STK32B: variants seen among roughly 807,000 people sequenced by gnomAD.
STK32B encodes serine/threonine kinase 32B, also known as serine/threonine-protein kinase 32B.
Under a neutral mutation model 52.6 loss-of-function variants are expected in STK32B, and 43 were observed. The observed-to-expected ratio is 0.82, with a 90% CI of 0.64 to 1.05. The LOEUF is 1.05. Ranked by LOEUF, STK32B falls within the 50% of genes least tolerant of loss-of-function variation. STK32B has a pLI of 0.00. For missense variants in STK32B, 621 were observed against 534.6 expected (o/e 1.16, Z -1.59); for synonymous variants, 238 against 204.3 (o/e 1.17, Z -1.41).
intron 1 of STK32B, among the ~76,000 whole-genome samples, chr4:5,132,251 T>TTA (rs1229901473): frequency 6.6e-6 from 1 of 152,186 alleles, no homozygotes; most frequent in East Asian, 1.9e-4. Flanking sequence ...GCATATGTCT[T>TTA]TATAGTATGA....
At chr4:5,492,811 T>G (rs1261261139) in intron 11 of STK32B, among the ~76,000 whole-genome samples, 1 of 151,326 alleles carries the variant, frequency 6.6e-6, no homozygotes, top group East Asian at 1.9e-4. Context: ...GTCAAAGGCC[T>G]TTTCTGCATC....
At chr4:5,407,428 T>C (rs575762658) in intron 5 of STK32B, among the ~76,000 whole-genome samples, 3 of 152,276 alleles carry the variant, frequency 2.0e-5, no homozygotes, top group African/African-American at 7.2e-5. Context: ...CAGGAGTCTT[T>C]ATAGCAGTGT....
intron 3 of STK32B, among the ~76,000 whole-genome samples, chr4:5,180,376 C>T (rs1228100342): frequency 6.6e-6 from 1 of 152,200 alleles, no homozygotes; most frequent in Non-Finnish European, 1.5e-5. Flanking sequence ...ATTTCCTACC[C>T]TTATCCTACC....
chr4:5,444,629 C>G (rs68125911), intron 6 of STK32B, among the ~76,000 whole-genome samples: 3 of 152,104 alleles, frequency 2.0e-5, no homozygotes, highest in African/African-American at 4.8e-5. Context: ...CTCCTCCCCC[C>G]GCCTTGGGCA....
chr4:5,336,559 T>C (rs1235544891), intron 4 of STK32B, among the ~76,000 whole-genome samples: 2 of 144,420 alleles, frequency 1.4e-5, no homozygotes, highest in Non-Finnish European at 2.9e-5. Context: ...GAAATAGCAT[T>C]TTTTTTAAAT....
In STK32B at chr4:5,122,642, CATTT is replaced by C. The variant is rs543461399; in HGVS notation, c.53-17261_53-17258del. Among the ~76,000 whole-genome samples the C allele has an allele frequency of 2.9e-3, 446 of 152,328 alleles. 2 individuals carry two copies. The highest frequency in any genetic ancestry group is 0.01 in the African/African-American group (430 of 41,574). ...TCCCTGACTCATTCACTCACTCACT[CATTT>C]ACTCATTCATTCATTCACTCATTCA... On this transcript the variant is annotated intron_variant, in intron 1 of 11. Transcript: ENST00000282908.
At chr4:5,359,783 C>T (rs1049671174) in intron 4 of STK32B, among the ~76,000 whole-genome samples, 1 of 152,160 alleles carries the variant, frequency 6.6e-6, no homozygotes, top group African/African-American at 2.4e-5. Context: ...GCCTCAGGAA[C>T]AGCGAGCAGA....
At chr4:5,358,832 A>C (rs1287020327) in intron 4 of STK32B, among the ~76,000 whole-genome samples, 1 of 152,172 alleles carries the variant, frequency 6.6e-6, no homozygotes, top group Non-Finnish European at 1.5e-5. Context: ...AAAAGGTATG[A>C]ATAATAACAG....
intron 11 of STK32B, among the ~76,000 whole-genome samples, chr4:5,476,914 T>G (rs1251430161): frequency 6.6e-6 from 1 of 151,646 alleles, no homozygotes; most frequent in African/African-American, 2.4e-5. Flanking sequence ...GCCACCAGAT[T>G]GGTGGCTACC....
Position 5,317,224 on chromosome 4 carries a change from T to A in STK32B, c.261-13996T>A, listed in dbSNP as rs867411241. 2.2e-3 allele frequency among the ~76,000 whole-genome samples: 84 copies of A among 38,630 alleles called. 8 individuals carry two copies. The highest frequency in any genetic ancestry group is 0.015 in the African/African-American group (43 of 2,908). The allele number at this position is 38,630 out of a possible 152,430, so 25.3% of individuals were successfully genotyped here. Reference sequence around the variant, plus strand: ...ATATTATATATATAACATATATATATTATATATAACATATATATATTATAT... The same window carrying A: ...ATATTATATATATAACATATATATAATATATATAACATATATATATTATAT... On this transcript the variant is annotated intron_variant, in intron 3 of 11. Coordinates refer to ENST00000282908, the MANE Select transcript of STK32B (RefSeq NM_018401.3).
At chr4:5,164,548 G>T (rs1483286773) in intron 2 of STK32B, among the ~76,000 whole-genome samples, 1 of 152,204 alleles carries the variant, frequency 6.6e-6, no homozygotes, top group Non-Finnish European at 1.5e-5. Flanking sequence ...AAAGAACAAA[G>T]ATTTATTTCT....
rs1736851751 is a variant in STK32B at position 5,395,824 on chromosome 4, G to A, written c.435-2383G>A. Among the ~76,000 whole-genome samples the A allele has an allele frequency of 6.6e-6, 1 of 152,248 alleles. No individual in the cohort carries two copies. Among genetic ancestry groups the A allele is most frequent in the African/African-American group, 2.4e-5 (1 of 41,476 alleles). ...CTGGAGTTGGAACACAGACTGTCTA[G>A]ATCATGGGCTGAATTCTCCCAAACA... On this transcript the variant is annotated intron_variant, in intron 4 of 11. Coordinates refer to ENST00000282908, the MANE Select transcript of STK32B (RefSeq NM_018401.3). The surrounding 1 kb of genome is among the most constrained non-coding windows in gnomAD (Gnocchi z 4.4).
intron 4 of STK32B, among the ~76,000 whole-genome samples, chr4:5,366,206 C>T (rs1010101599): frequency 2.0e-4 from 30 of 152,114 alleles, no homozygotes; most frequent in Non-Finnish European, 2.9e-5. Context: ...GTTGGCATCC[C>T]TAAAAATGGG....
intron 1 of STK32B, among the ~76,000 whole-genome samples, chr4:5,134,643 T>C (rs1251938591): frequency 1.3e-5 from 2 of 152,256 alleles, no homozygotes; most frequent in Non-Finnish European, 2.9e-5. Context: ...CTGTAACTTA[T>C]TCAAAACAAT....
intron 6 of STK32B, among the ~76,000 whole-genome samples, chr4:5,422,350 C>T (rs1712713579): frequency 6.6e-6 from 1 of 152,136 alleles, no homozygotes; most frequent in Non-Finnish European, 1.5e-5. Flanking sequence ...TTGAGCTGTT[C>T]AGTTCAAAGG....
intron 3 of STK32B, among the ~76,000 whole-genome samples, chr4:5,323,357 G>A (rs573124770): frequency 1.3e-5 from 2 of 152,228 alleles, no homozygotes; most frequent in African/African-American, 4.8e-5. Context: ...AGCCCACTAT[G>A]AGCAGGTTCT....
At chr4:5,122,566 C>T (rs139214110) in intron 1 of STK32B, among the ~76,000 whole-genome samples, 3 of 152,034 alleles carry the variant, frequency 2.0e-5, no homozygotes, top group Non-Finnish European at 2.9e-5. Flanking sequence ...TTCACTCACT[C>T]ACTTGCTCAT....
At chr4:5,279,596 C>T (rs535722504) in intron 3 of STK32B, among the ~76,000 whole-genome samples, 1 of 152,312 alleles carries the variant, frequency 6.6e-6, no homozygotes, top group South Asian at 2.1e-4. Flanking sequence ...TTCCTCACAG[C>T]TCCACTAGGC....
At chr4:5,021,577 A>T in the STK32B span, among the ~76,000 whole-genome samples, 1 of 152,200 alleles carries the variant, frequency 6.6e-6, no homozygotes, top group Non-Finnish European at 1.5e-5. Context: ...AGCAGGGAAG[A>T]AAAACAAGCC....
Sources: gnomAD v4.1 joint callset for allele counts (sites outside exome capture counted in the v4.1 genomes callset) on GRCh38, gnomAD v4.1.1 for gene constraint, Gnocchi (gnomAD v3.1) non-coding constraint, MANE v1.5 for transcripts, NCBI Gene and HGNC (gene_info 2026-07-23, HGNC 2026-07-21) for gene names.